The following FRMPD2 variants were observed in gnomAD, a reference collection of about 807,000 sequenced individuals.
FRMPD2 encodes FERM and PDZ domain-containing protein 2.
FRMPD2 carries 96 observed loss-of-function variants against 140.1 expected under a neutral mutation model. The observed-to-expected ratio is 0.69, with a 90% CI of 0.58 to 0.81. The LOEUF (loss-of-function observed/expected upper bound fraction) is 0.81, where lower values mean the gene tolerates loss of function less well. Ranked by LOEUF, FRMPD2 falls within the 40% of genes least tolerant of loss-of-function variation. The pLI is 0.00. For synonymous variants in FRMPD2, 449 were observed against 547.6 expected, an observed-to-expected ratio of 0.82 and a Z score of 2.52; for missense variants, 1,240 against 1,447.4, an observed-to-expected ratio of 0.86 and a Z score of 2.32.
chr10:48,200,792 T>C (rs1273572749), intron 15 of FRMPD2, among the ~76,000 whole-genome samples: 2 of 152,242 alleles, frequency 1.3e-5, no homozygotes, highest in Admixed American at 1.3e-4. Context: ...ATAGATGCTC[T>C]TGGTTTATTT....
chr10:48,221,394 C>T (rs4838581), intron 12 of FRMPD2, among the ~76,000 whole-genome samples: 41,826 of 151,888 alleles, frequency 0.28, 7,643 homozygotes, highest in African/African-American at 0.52. Flanking sequence ...TATGAGAATG[C>T]GAAAACATAA....
intron 28 of FRMPD2, among the ~76,000 whole-genome samples, chr10:48,160,032 G>A (rs1230401576): frequency 1.3e-5 from 2 of 151,248 alleles, no homozygotes; most frequent in Non-Finnish European, 2.9e-5. Context: ...CCACACCAAG[G>A]GGCAAATAAC....
intron 1 of FRMPD2, among the ~76,000 whole-genome samples, chr10:48,259,996 T>C (rs555545055): frequency 5.5e-4 from 83 of 152,062 alleles, no homozygotes; most frequent in Non-Finnish European, 6.6e-4. Context: ...GATATAGATA[T>C]AGATGTAACC....
chr10:48,272,802 A>G (rs78759785), intron 1 of FRMPD2, among the ~76,000 whole-genome samples: 348 of 152,378 alleles, frequency 2.3e-3, no homozygotes, highest in Non-Finnish European at 3.9e-3. Flanking sequence ...TTCAAAAACT[A>G]TGATCTGATC....
Position 48,185,637 on chromosome 10 carries a change from T to C in FRMPD2, c.2275A>G (p.Asn759Asp), listed in dbSNP as rs761737172. The C allele has an allele frequency of 1.4e-5, 22 of 1,613,248 alleles. No individual in the cohort carries two copies. The highest frequency in any genetic ancestry group is 1.7e-5 in the Non-Finnish European group (20 of 1,179,322). ...GCTATAAAGCTCTTCCTCCTATTAT[T>C]CTTTGAGCCTAGAGGTAGAATCAGA... is the stretch of plus-strand genomic sequence containing the variant. The part of the protein sequence containing the change: ...PVQSMHAGSK[N>D]NRRKSFIAEP... Residue 759 changes from asparagine to aspartate, a missense_variant, in exon 18 of 29, where the codon AAT becomes GAT. Physicochemically the swap from Asn to Asp is conservative, Grantham distance 23. Coordinates refer to ENST00000374201, the MANE Select transcript of FRMPD2 (RefSeq NM_001018071.4).
Position 48,175,512 on chromosome 10 carries a change from G to C in FRMPD2, c.2989+334C>G, listed in dbSNP as rs540462661. On this transcript the variant is annotated intron_variant, in intron 23 of 28. Coordinates refer to ENST00000374201, the MANE Select transcript of FRMPD2 (RefSeq NM_001018071.4). Reference sequence around the variant, plus strand: ...GCTCAGGTGTCCTCCCCGGATGTGCGAGTGAGTTTACCGAGGCCCACTTGT... The same window carrying C: ...GCTCAGGTGTCCTCCCCGGATGTGCCAGTGAGTTTACCGAGGCCCACTTGT... Among the ~76,000 whole-genome samples the C allele has an allele frequency of 4.6e-5, 7 of 151,664 alleles. No homozygotes were observed. In the South Asian group the frequency reaches 1.5e-3, roughly 32 times the overall value.
intron 10 of FRMPD2, among the ~76,000 whole-genome samples, chr10:48,223,712 T>C (rs1839661845): frequency 6.6e-6 from 1 of 152,148 alleles, no homozygotes; most frequent in Non-Finnish European, 1.5e-5. Flanking sequence ...CCCAAATCCA[T>C]ATGTTGAAAC....
chr10:48,225,021 G>A (rs1280107004), intron 10 of FRMPD2, among the ~76,000 whole-genome samples: 1 of 152,146 alleles, frequency 6.6e-6, no homozygotes, highest in Non-Finnish European at 1.5e-5. Context: ...AGCCCTGCTT[G>A]GTACAAAGAA....
rs531931257 is a variant in FRMPD2, at chr10:48,235,454, A to C, written c.993+1028T>G. 2.0e-5 allele frequency among the ~76,000 whole-genome samples: 3 copies of C among 152,354 alleles called. No individual in the cohort carries two copies. The East Asian group carries it at 5.8e-4, about 29-fold the overall frequency. On this transcript the variant is annotated intron_variant, in intron 9 of 28. Coordinates refer to ENST00000374201, the MANE Select transcript of FRMPD2 (RefSeq NM_001018071.4). ...GAGGAAATGATGTCAGTGCACTGCA[A>C]CAGACATCCCCTTGACAGGGGGGTG... is the stretch of plus-strand genomic sequence containing the variant.
chr10:48,236,922 T>C (rs1435368687), intron 8 of FRMPD2, among the ~76,000 whole-genome samples: 3 of 152,192 alleles, frequency 2.0e-5, no homozygotes, highest in African/African-American at 7.2e-5. Context: ...AAAATACTTT[T>C]AGATTTAGAT....
intron 1 of FRMPD2, among the ~76,000 whole-genome samples, chr10:48,269,652 A>G (rs1057298046): frequency 6.6e-6 from 1 of 152,202 alleles, no homozygotes; most frequent in Non-Finnish European, 1.5e-5. Flanking sequence ...TTGCCCTGTC[A>G]CAAACCCCAC....
At chr10:48,208,823 C>A (rs1839257009) in intron 13 of FRMPD2, among the ~76,000 whole-genome samples, 1 of 152,220 alleles carries the variant, frequency 6.6e-6, no homozygotes, top group African/African-American at 2.4e-5. Context: ...GTCTTCCTTA[C>A]AACAGGTAGC....
intron 20 of FRMPD2, among the ~76,000 whole-genome samples, chr10:48,183,903 G>A (rs1838612741): frequency 6.8e-6 from 1 of 146,742 alleles, no homozygotes; most frequent in Non-Finnish European, 1.5e-5. Flanking sequence ...ACAAGTGGGA[G>A]CTAAATAATG....
chr10:48,268,297 C>T (rs1419103465), intron 1 of FRMPD2, among the ~76,000 whole-genome samples: 1 of 152,146 alleles, frequency 6.6e-6, no homozygotes, highest in Non-Finnish European at 1.5e-5. Flanking sequence ...GTAAGTGGTA[C>T]AGCCACTTCA....
rs201157348 is a variant in FRMPD2 at position 48,222,322 on chromosome 10, G to T, written c.1446C>A (p.Tyr482Ter). 13 of 1,613,976 alleles carry T rather than the reference G, an allele frequency of 8.1e-6. No individual in the cohort carries two copies. The highest frequency in any genetic ancestry group is 1.1e-5 in the Non-Finnish European group (13 of 1,179,934). Reference sequence around the variant, plus strand: ...TGGTGTTCACCCCTACCTCCTTAGGGTAATTGCCAAACTCAGCCTGCAAGG... The same window carrying T: ...TGGTGTTCACCCCTACCTCCTTAGGTTAATTGCCAAACTCAGCCTGCAAGG... ...VLALQAEFGN[Y>*]PKEQVESKPY... Residue 482 changes from tyrosine to a stop codon, truncating the protein, a stop_gained, in exon 12 of 29, where the codon TAC becomes TAA. Transcript: ENST00000374201. LOFTEE classifies it high-confidence loss of function.
At chr10:48,274,784 G>A (rs1326796739), upstream of FRMPD2, 15 of 565,142 alleles carry the variant, frequency 2.7e-5, no homozygotes, top group East Asian at 1.2e-4. Context: ...TGGGTCCTGC[G>A]CAGTCTCTGG....
chr10:48,225,779 C>T (rs1353375686), intron 10 of FRMPD2, among the ~76,000 whole-genome samples: 1 of 152,204 alleles, frequency 6.6e-6, no homozygotes, highest in Admixed American at 6.5e-5. Flanking sequence ...ACGTGCAGTG[C>T]CCACTGGAGC....
intron 9 of FRMPD2, 91 bp downstream of exon 9, chr10:48,236,391 T>C: frequency 9.6e-7 from 1 of 1,046,142 alleles, no homozygotes; most frequent in African/African-American, 1.6e-5. Flanking sequence ...GGTGTTCCCA[T>C]GTGAGACCCC....
Position 48,274,463 on chromosome 10 carries a change from C to T in FRMPD2, c.25+80G>A, listed in dbSNP as rs551405106. 2.5e-4 allele frequency: 306 copies of T among 1,247,008 alleles called. 9 individuals carry two copies. The South Asian group carries it at 3.5e-3, about 14-fold the overall frequency. The allele number at this position is 1,247,008 out of a possible 1,614,324, so 77.2% of individuals were successfully genotyped here. A position where few individuals can be genotyped will look rare whatever the true frequency, so the allele number is the denominator to read the frequency against. On this transcript the variant is annotated intron_variant, in intron 1 of 28. Coordinates refer to ENST00000374201, the MANE Select transcript of FRMPD2 (RefSeq NM_001018071.4). Reference sequence around the variant, plus strand: ...TTGCCCAGCTGTGTTCTTCTTATTCCGGATACCTAGACCCAGTAAGAAGTT... The same window carrying T: ...TTGCCCAGCTGTGTTCTTCTTATTCTGGATACCTAGACCCAGTAAGAAGTT...
Sources: gnomAD v4.1 joint callset for allele counts (sites outside exome capture counted in the v4.1 genomes callset) on GRCh38, gnomAD v4.1.1 for gene constraint, MANE v1.5 for transcripts, NCBI Gene and HGNC (gene_info 2026-07-23, HGNC 2026-07-21) for gene names.